PTPRD: variants seen among roughly 807,000 people sequenced by gnomAD.
PTPRD encodes receptor-type tyrosine-protein phosphatase delta.
A neutral mutation model predicts 214.5 loss-of-function variants in PTPRD; 34 were observed. The observed-to-expected ratio is 0.16, with a 90% CI of 0.12 to 0.21. PTPRD has a LOEUF of 0.21. Among genes scored for constraint, PTPRD ranks in the 10% least tolerant of loss-of-function variants. The pLI, the probability that PTPRD is intolerant of heterozygous loss-of-function variation, is 1.00. For synonymous variants in PTPRD, 1,128 were observed against 845.7 expected (o/e 1.33, Z -5.79); for missense variants, 2,545 against 2,398.7 (o/e 1.06, Z -1.27).
chr9:10,538,138 A>G (rs1188649637), intron 2 of PTPRD, among the ~76,000 whole-genome samples: 2 of 151,876 alleles, frequency 1.3e-5, no homozygotes, highest in African/African-American at 4.8e-5. Context: ...GCCTATCCCT[A>G]TCCAATCACT....
intron 8 of PTPRD, among the ~76,000 whole-genome samples, chr9:9,425,006 G>A (rs899037619): frequency 6.6e-6 from 1 of 152,134 alleles, no homozygotes; most frequent in East Asian, 1.9e-4. Flanking sequence ...TTCAGCAGAA[G>A]TGTTATTATA....
At chr9:10,454,157 T>G (rs917272801) in intron 2 of PTPRD, among the ~76,000 whole-genome samples, 3 of 151,668 alleles carry the variant, frequency 2.0e-5, no homozygotes, top group Non-Finnish European at 4.4e-5. Context: ...CAGATTATAG[T>G]TGATAAACAG....
intron 7 of PTPRD, among the ~76,000 whole-genome samples, chr9:9,582,280 T>C (rs947802059): frequency 6.6e-6 from 1 of 152,074 alleles, no homozygotes; most frequent in Non-Finnish European, 1.5e-5. Context: ...GTCTAAACAG[T>C]GTCAGTGAAT....
chr9:8,669,609 AC>A (rs2097239112), intron 12 of PTPRD, among the ~76,000 whole-genome samples: 4 of 152,122 alleles, frequency 2.6e-5, no homozygotes, highest in African/African-American at 9.7e-5. Flanking sequence ...AGTCGTGGAA[AC>A]CCCAACTCAT....
intron 3 of PTPRD, among the ~76,000 whole-genome samples, chr9:10,270,630 C>A (rs2094364268): frequency 6.6e-6 from 1 of 152,086 alleles, no homozygotes; most frequent in South Asian, 2.1e-4. Context: ...ACACTTCAGG[C>A]TCAATAATGA....
intron 11 of PTPRD, among the ~76,000 whole-genome samples, chr9:9,009,075 G>C (rs1013438542): frequency 2.0e-5 from 3 of 152,078 alleles, no homozygotes; most frequent in African/African-American, 7.2e-5. Context: ...TCAGGCTAAT[G>C]TATGTATAAA....
At chr9:8,462,051 CTG>C (rs1364297378) in intron 32 of PTPRD, among the ~76,000 whole-genome samples, 1 of 151,974 alleles carries the variant, frequency 6.6e-6, no homozygotes, top group Non-Finnish European at 1.5e-5. Flanking sequence ...CATGCAGAAT[CTG>C]TCTCTTCATT....
chr9:10,019,737 C>T (rs1038654380), intron 4 of PTPRD, among the ~76,000 whole-genome samples: 11 of 143,546 alleles, frequency 7.7e-5, no homozygotes, highest in African/African-American at 1.8e-4. Flanking sequence ...TGAGAACACA[C>T]GGACACAGGA....
intron 2 of PTPRD, among the ~76,000 whole-genome samples, chr9:10,489,809 T>C (rs940075094): frequency 2.0e-5 from 3 of 152,100 alleles, no homozygotes; most frequent in African/African-American, 4.8e-5. Context: ...TGCCTTAAAA[T>C]TGGTGTGCTT....
chr9:10,234,225 T>A (rs144966737), intron 3 of PTPRD, among the ~76,000 whole-genome samples: 15 of 151,254 alleles, frequency 9.9e-5, no homozygotes, highest in African/African-American at 3.6e-4. Context: ...TAATAAATAA[T>A]TAATAAAAAA....
At chr9:8,933,491 T>C (rs1353351251) in intron 11 of PTPRD, among the ~76,000 whole-genome samples, 2 of 151,998 alleles carry the variant, frequency 1.3e-5, no homozygotes, top group South Asian at 2.1e-4. Context: ...TTATCTTGGA[T>C]ACCAATAACA....
At chr9:10,176,705 T>C (rs993420756) in intron 3 of PTPRD, among the ~76,000 whole-genome samples, 1 of 151,992 alleles carries the variant, frequency 6.6e-6, no homozygotes, top group Non-Finnish European at 1.5e-5. Context: ...TCCTCAACCA[T>C]GTTTATGAGC....
intron 3 of PTPRD, among the ~76,000 whole-genome samples, chr9:10,066,823 T>G (rs769661358): frequency 1.3e-4 from 19 of 151,974 alleles, no homozygotes; most frequent in Non-Finnish European, 2.5e-4. Flanking sequence ...TCAATACTAC[T>G]ATGTGTACTC....
intron 6 of PTPRD, among the ~76,000 whole-genome samples, chr9:9,754,228 T>C (rs1226191329): frequency 1.3e-5 from 2 of 152,072 alleles, no homozygotes; most frequent in African/African-American, 4.8e-5. Context: ...AGGGACTATC[T>C]TTAATATGAC....
At chr9:10,046,736 C>A (rs2097404773) in intron 3 of PTPRD, among the ~76,000 whole-genome samples, 3 of 151,896 alleles carry the variant, frequency 2.0e-5, no homozygotes. Flanking sequence ...TAATATTCCT[C>A]ACTCAATTAA....
intron 11 of PTPRD, among the ~76,000 whole-genome samples, chr9:8,743,188 T>G (rs2092318824): frequency 6.6e-6 from 1 of 151,808 alleles, no homozygotes. Flanking sequence ...TTTTCATACA[T>G]AAACTCAAAA....
At chr9:10,212,394 G>T (rs1487831534) in intron 3 of PTPRD, among the ~76,000 whole-genome samples, 1 of 152,074 alleles carries the variant, frequency 6.6e-6, no homozygotes, top group Non-Finnish European at 1.5e-5. Flanking sequence ...AAAGAATGCT[G>T]TTAGACCAAA....
intron 7 of PTPRD, among the ~76,000 whole-genome samples, chr9:9,633,404 C>T (rs2095655314): frequency 6.6e-6 from 1 of 152,102 alleles, no homozygotes; most frequent in African/African-American, 2.4e-5. Context: ...TGTAGGGAGT[C>T]ACCAAATATC....
intron 4 of PTPRD, among the ~76,000 whole-genome samples, chr9:9,969,197 C>T (rs1001841791): frequency 4.6e-5 from 7 of 152,018 alleles, no homozygotes; most frequent in African/African-American, 1.4e-4. Flanking sequence ...TAGGATTTAG[C>T]GATCAAAGAA....
Sources: gnomAD v4.1 joint callset for allele counts (sites outside exome capture counted in the v4.1 genomes callset) on GRCh38, gnomAD v4.1.1 for gene constraint, MANE v1.5 for transcripts, NCBI Gene and HGNC (gene_info 2026-07-23, HGNC 2026-07-21) for gene names.